UST: variants seen among roughly 807,000 people sequenced by gnomAD.
The protein encoded by UST is chondroitin sulfate 2-O-sulfotransferase.
UST carries 21 observed loss-of-function variants against 45.6 expected under a neutral mutation model. The ratio of observed to expected loss-of-function variants is 0.46; its 90% CI spans 0.33 to 0.66. The LOEUF (loss-of-function observed/expected upper bound fraction) is 0.66, where lower values mean the gene tolerates loss of function less well. UST is among the 30% of genes least tolerant of loss of function. UST has a pLI of 0.02. For missense variants in UST, 463 were observed against 512.4 expected (o/e 0.90, Z 0.93); for synonymous variants, 215 against 200.6 (o/e 1.07, Z -0.61).
At chr6:148,937,876 C>G (rs1165680692) in intron 2 of UST, among the ~76,000 whole-genome samples, 1 of 152,084 alleles carries the variant, frequency 6.6e-6, no homozygotes, top group African/African-American at 2.4e-5. Context: ...AATTTCATAC[C>G]CCAGCCTGGT....
At chr6:149,054,327 C>T (rs970106124) in intron 7 of UST, among the ~76,000 whole-genome samples, 2 of 152,154 alleles carry the variant, frequency 1.3e-5, no homozygotes, top group African/African-American at 4.8e-5. Flanking sequence ...AGAATTTAAT[C>T]TTTTTTGGTA....
intron 7 of UST, among the ~76,000 whole-genome samples, chr6:149,023,006 T>C (rs1682425501): frequency 6.6e-6 from 1 of 152,192 alleles, no homozygotes; most frequent in African/African-American, 2.4e-5. Flanking sequence ...AACTCCGTTC[T>C]TTGTGCAAGG....
intron 1 of UST, among the ~76,000 whole-genome samples, chr6:148,796,797 CTTTTTT>C (rs1195878764): frequency 9.7e-5 from 7 of 72,054 alleles, no homozygotes; most frequent in South Asian, 6.5e-4. Flanking sequence ...TCTGATAATT[CTTTTTT>C]TTTTTTTTTT....
intron 3 of UST, among the ~76,000 whole-genome samples, chr6:148,948,996 A>G (rs533796392): frequency 6.6e-6 from 1 of 152,270 alleles, no homozygotes; most frequent in Non-Finnish European, 1.5e-5. Context: ...TAGGGATAAT[A>G]ATACTTATCC....
intron 1 of UST, among the ~76,000 whole-genome samples, chr6:148,880,158 T>C (rs563867784): frequency 2.1e-5 from 3 of 141,146 alleles, no homozygotes; most frequent in African/African-American, 7.9e-5. Context: ...TTTCACCATG[T>C]TGGCCAGGCT....
intron 7 of UST, among the ~76,000 whole-genome samples, chr6:149,031,778 T>G (rs1776146511): frequency 6.6e-6 from 1 of 152,214 alleles, no homozygotes; most frequent in Admixed American, 6.5e-5. Flanking sequence ...GTCTGTGATG[T>G]CCCTTTCCTG....
intron 7 of UST, among the ~76,000 whole-genome samples, chr6:149,044,344 G>A (rs572200825): frequency 2.6e-5 from 4 of 152,152 alleles, no homozygotes; most frequent in Non-Finnish European, 4.4e-5. Flanking sequence ...GTCAGTGTCT[G>A]ACTTCTGTTG....
intron 7 of UST, among the ~76,000 whole-genome samples, chr6:149,062,985 C>A (rs184176704): frequency 2.0e-5 from 3 of 152,238 alleles, no homozygotes; most frequent in African/African-American, 4.8e-5. Context: ...ATACAGAAAG[C>A]AGCCCCCTCC....
intron 2 of UST, among the ~76,000 whole-genome samples, chr6:148,933,283 T>C (rs1779956587): frequency 6.6e-6 from 1 of 152,222 alleles, no homozygotes; most frequent in South Asian, 2.1e-4. Flanking sequence ...TTCATCCCAA[T>C]AGTCTAGTCT....
chr6:148,839,495 AAAAT>A (rs1287215130), intron 1 of UST, among the ~76,000 whole-genome samples: 3 of 152,226 alleles, frequency 2.0e-5, no homozygotes, highest in Admixed American at 6.5e-5. Context: ...TTCAATCTGT[AAAAT>A]AAATCTGTTG....
At chr6:148,974,577 GT>G (rs1171520483) in intron 5 of UST, among the ~76,000 whole-genome samples, 1 of 152,168 alleles carries the variant, frequency 6.6e-6, no homozygotes, top group Non-Finnish European at 1.5e-5. Context: ...AACAGGTGGG[GT>G]CTTAACTGGC....
At chr6:148,944,863 G>A (rs1454349973) in intron 3 of UST, among the ~76,000 whole-genome samples, 1 of 151,924 alleles carries the variant, frequency 6.6e-6, no homozygotes, top group Non-Finnish European at 1.5e-5. Flanking sequence ...TTGAAAAATG[G>A]AGATTATATA....
chr6:148,893,766 A>G (rs527609123), intron 2 of UST, among the ~76,000 whole-genome samples: 1 of 152,314 alleles, frequency 6.6e-6, no homozygotes, highest in South Asian at 2.1e-4. Flanking sequence ...GAGGATGCAC[A>G]CTCAACACAA....
At chr6:148,981,549 G>C (rs934511936) in intron 5 of UST, among the ~76,000 whole-genome samples, 1 of 152,180 alleles carries the variant, frequency 6.6e-6, no homozygotes, top group Non-Finnish European at 1.5e-5. Context: ...GAAGGTCTTA[G>C]AATTTGCTGC....
intron 1 of UST, among the ~76,000 whole-genome samples, chr6:148,797,085 G>A (rs1361032095): frequency 1.3e-5 from 2 of 152,030 alleles, no homozygotes; most frequent in African/African-American, 2.4e-5. Context: ...GAGCCACCGC[G>A]CCCAACCTTC....
intron 1 of UST, among the ~76,000 whole-genome samples, chr6:148,809,149 C>T (rs898712328): frequency 2.6e-5 from 4 of 152,230 alleles, no homozygotes; most frequent in African/African-American, 9.6e-5. Flanking sequence ...GGCCTGTGCC[C>T]TGAGCACAGC....
intron 7 of UST, among the ~76,000 whole-genome samples, chr6:149,059,503 T>C (rs1378729443): frequency 6.6e-6 from 1 of 152,220 alleles, no homozygotes; most frequent in Non-Finnish European, 1.5e-5. Flanking sequence ...CCATCCGCAG[T>C]GAAACAGAGA....
chr6:148,870,104 T>TCTCACACACACACACACACACACA (rs377724567), intron 1 of UST, among the ~76,000 whole-genome samples: 9 of 141,448 alleles, frequency 6.4e-5, no homozygotes, highest in African/African-American at 2.4e-4. Flanking sequence ...TGGTAATGTT[T>TCTCACACACACACACACACACACA]CACACACACA....
intron 1 of UST, among the ~76,000 whole-genome samples, chr6:148,839,748 G>C (rs1462849902): frequency 6.6e-6 from 1 of 152,126 alleles, no homozygotes; most frequent in African/African-American, 2.4e-5. Flanking sequence ...TATTTTTGAA[G>C]AAGTTTCCCA....
Sources: gnomAD v4.1 joint callset for allele counts (sites outside exome capture counted in the v4.1 genomes callset) on GRCh38, gnomAD v4.1.1 for gene constraint, MANE v1.5 for transcripts, NCBI Gene and HGNC (gene_info 2026-07-23, HGNC 2026-07-21) for gene names.